The following CECR2 variants were observed in gnomAD, a reference collection of about 807,000 sequenced individuals.
The protein encoded by CECR2 is CECR2 histone acetyl-lysine reader, also known as chromatin remodeling regulator CECR2.
A neutral mutation model predicts 154.5 loss-of-function variants in CECR2; 30 were observed. The ratio of observed to expected loss-of-function variants is 0.19; its 90% CI spans 0.15 to 0.26. The LOEUF is 0.26. Ranked by LOEUF, CECR2 falls within the 10% of genes least tolerant of loss-of-function variation. CECR2 has a pLI of 1.00. For synonymous variants in CECR2, 725 were observed against 683.7 expected, an observed-to-expected ratio of 1.06 and a Z score of -0.94; for missense variants, 1,743 against 1,829.3, an observed-to-expected ratio of 0.95 and a Z score of 0.86.
At chr22:17,386,067 A>G (rs750997183) in intron 1 of CECR2, among the ~76,000 whole-genome samples, 2 of 152,212 alleles carry the variant, frequency 1.3e-5, no homozygotes, top group Non-Finnish European at 2.9e-5. Context: ...GCCCCATGGT[A>G]GGTGTCATTG....
intron 7 of CECR2, among the ~76,000 whole-genome samples, chr22:17,506,676 C>CA (rs1289793957): frequency 2.6e-5 from 4 of 152,120 alleles, no homozygotes; most frequent in African/African-American, 9.7e-5. Context: ...TGTTTTGAGA[C>CA]AGAGACTCGC....
chr22:17,513,220 A>G (rs1651984704), intron 8 of CECR2, among the ~76,000 whole-genome samples: 1 of 152,204 alleles, frequency 6.6e-6, no homozygotes, highest in Non-Finnish European at 1.5e-5. Flanking sequence ...ATCACATCAC[A>G]TCACACTGTA....
At chr22:17,387,189 A>G (rs1015507924) in intron 1 of CECR2, among the ~76,000 whole-genome samples, 1 of 152,226 alleles carries the variant, frequency 6.6e-6, no homozygotes, top group Non-Finnish European at 1.5e-5. Flanking sequence ...TTACAGCTCA[A>G]CAGAAAGCCT....
At chr22:17,393,727 T>C (rs927253492) in intron 1 of CECR2, among the ~76,000 whole-genome samples, 1 of 152,192 alleles carries the variant, frequency 6.6e-6, no homozygotes, top group Non-Finnish European at 1.5e-5. Flanking sequence ...CACCTGGTCT[T>C]GATTTGTACT....
intron 1 of CECR2, among the ~76,000 whole-genome samples, chr22:17,438,924 C>T (rs2054545238): frequency 6.6e-6 from 1 of 151,970 alleles, no homozygotes; most frequent in Admixed American, 6.6e-5. Flanking sequence ...CATGGAATTC[C>T]ACACTTTGGG....
In CECR2 at chr22:17,540,536, A is replaced by C; in HGVS notation, c.1620A>C (p.Lys540Asn). Reference protein sequence around the residue: ...FWIREDEKREKRRSRAGRSGG... With the variant: ...FWIREDEKRENRRSRAGRSGG... ...TTCGAGAGGATGAAAAGCGGGAGAA[A>C]AGACGGAGTCGGGCTGGGCGAAGTG... Residue 540 changes from lysine (K) to asparagine (N), a missense_variant, in exon 14 of 19, where the codon AAA becomes AAC. Lys to Asn is a moderately conservative substitution (Grantham distance 94, BLOSUM62 0). Transcript: ENST00000262608. 1 of 1,612,434 alleles carries C rather than the reference A, an allele frequency of 6.2e-7. No homozygotes were observed. The highest frequency in any genetic ancestry group is 8.5e-7 in the Non-Finnish European group (1 of 1,178,978).
At chr22:17,510,080 A>G (rs1326975770) in intron 7 of CECR2, among the ~76,000 whole-genome samples, 1 of 152,222 alleles carries the variant, frequency 6.6e-6, no homozygotes, top group Non-Finnish European at 1.5e-5. Context: ...TTCTCAACAA[A>G]TAAATTGACT....
chr22:17,482,954 T>A (rs886825691), intron 2 of CECR2, among the ~76,000 whole-genome samples: 1 of 152,128 alleles, frequency 6.6e-6, no homozygotes, highest in Non-Finnish European at 1.5e-5. Context: ...GTGCTGGGAT[T>A]ACAGGCGTGA....
intron 9 of CECR2, among the ~76,000 whole-genome samples, chr22:17,533,522 C>T (rs1010486891): frequency 1.2e-4 from 18 of 150,528 alleles, no homozygotes; most frequent in African/African-American, 4.4e-4. Context: ...CCCAGCTACC[C>T]GGGAGGCTGA....
intron 1 of CECR2, among the ~76,000 whole-genome samples, chr22:17,427,334 TG>T (rs201100274): frequency 0.012 from 1,818 of 152,322 alleles, 34 homozygotes; most frequent in African/African-American, 0.04. Context: ...TGTGTGCCTG[TG>T]TCTTTATAGT....
chr22:17,390,307 T>A (rs1001553187), intron 1 of CECR2, among the ~76,000 whole-genome samples: 2 of 152,090 alleles, frequency 1.3e-5, no homozygotes, highest in Non-Finnish European at 2.9e-5. Flanking sequence ...TTGGCGGGAG[T>A]GCTGAAGAGG....
intron 1 of CECR2, among the ~76,000 whole-genome samples, chr22:17,443,513 T>C (rs1300439218): frequency 6.6e-6 from 1 of 151,960 alleles, no homozygotes; most frequent in Non-Finnish European, 1.5e-5. Flanking sequence ...TCATATTCAG[T>C]CCCAGGAGTT....
Position 17,499,938 on chromosome 22 carries a change from G to T in CECR2, c.545+389G>T, listed in dbSNP as rs147716843. On this transcript the variant is annotated intron_variant, in intron 4 of 18. Transcript: ENST00000262608. Reference sequence around the variant, plus strand: ...ATTAATGATGTAGTTTATGCCAGGCGCAGTGGCTCATGCCTGTAATCCCAG... The same window carrying T: ...ATTAATGATGTAGTTTATGCCAGGCTCAGTGGCTCATGCCTGTAATCCCAG... Among the ~76,000 whole-genome samples the T allele has an allele frequency of 5.0e-3, 768 of 152,292 alleles. 6 individuals are homozygous for T. Among genetic ancestry groups the T allele is most frequent in the African/African-American group, 0.018 (734 of 41,570 alleles).
chr22:17,421,564 G>A (rs1190119283), intron 1 of CECR2, among the ~76,000 whole-genome samples: 35 of 131,370 alleles, frequency 2.7e-4, no homozygotes, highest in Non-Finnish European at 3.7e-4. Context: ...GCAGTGAGCC[G>A]AGATCCCGCC....
At chr22:17,392,217 T>G (rs1319628391) in intron 1 of CECR2, among the ~76,000 whole-genome samples, 1 of 152,178 alleles carries the variant, frequency 6.6e-6, no homozygotes, top group East Asian at 1.9e-4. Flanking sequence ...AGGTTAGGAC[T>G]TGGAGACCAG....
chr22:17,449,951 A>G (rs2054742660), intron 1 of CECR2, among the ~76,000 whole-genome samples: 1 of 152,176 alleles, frequency 6.6e-6, no homozygotes, highest in Admixed American at 6.5e-5. Flanking sequence ...CCACAATCCT[A>G]TCAGGTGTGG....
chr22:17,380,592 GA>G (rs1439889325), intron 1 of CECR2, among the ~76,000 whole-genome samples: 1 of 152,148 alleles, frequency 6.6e-6, no homozygotes, highest in Non-Finnish European at 1.5e-5. Context: ...CACCTGAATT[GA>G]ATGTGTGAGT....
At chr22:17,548,076 A>T in intron 16 of CECR2, 72 bp from the exon 17 acceptor site, 1 of 1,330,260 alleles carries the variant, frequency 7.5e-7, no homozygotes, top group Non-Finnish European at 1.0e-6. Context: ...TGACTCAGGC[A>T]TGTTCTTCAC....
intron 1 of CECR2, among the ~76,000 whole-genome samples, chr22:17,383,270 G>C (rs2063221224): frequency 6.6e-6 from 1 of 152,106 alleles, no homozygotes; most frequent in African/African-American, 2.4e-5. Flanking sequence ...CCTTCAACGA[G>C]TCATAGTCTT....
Sources: allele counts gnomAD v4.1 joint callset (sites outside exome capture counted in the v4.1 genomes callset), GRCh38; gene constraint gnomAD v4.1.1; transcripts MANE v1.5; gene names NCBI Gene and HGNC (gene_info 2026-07-23, HGNC 2026-07-21).